STX18: variants seen among roughly 807,000 people sequenced by gnomAD.
STX18 encodes the protein syntaxin 18.
In STX18, 40 loss-of-function variants were observed where a neutral mutation model predicts 50.1. That is an observed-to-expected ratio of 0.80 (90% CI 0.62 to 1.04). The LOEUF is 1.04. Among genes scored for constraint, STX18 ranks in the 50% least tolerant of loss-of-function variants. The pLI, the probability that STX18 is intolerant of heterozygous loss-of-function variation, is 0.00. For missense variants in STX18, 410 were observed against 415.8 expected (o/e 0.99, Z 0.12); for synonymous variants, 158 against 151.8 (o/e 1.04, Z -0.30).
chr4:4,457,371 A>G (rs1000877913), intron 4 of STX18, 52 bp downstream of exon 4: 39 of 1,571,554 alleles, frequency 2.5e-5, no homozygotes, highest in Non-Finnish European at 3.2e-5. Flanking sequence ...TAAATTCTGC[A>G]TCACATCTAT....
At chr4:4,432,948 G>T (rs1412897412) in intron 7 of STX18, among the ~76,000 whole-genome samples, 1 of 152,174 alleles carries the variant, frequency 6.6e-6, no homozygotes, top group Non-Finnish European at 1.5e-5. Context: ...CACTTCGGTG[G>T]GCCGGCGCGG....
intron 5 of STX18, among the ~76,000 whole-genome samples, chr4:4,439,679 C>T (rs1333549215): frequency 6.6e-6 from 1 of 151,386 alleles, no homozygotes; most frequent in Non-Finnish European, 1.5e-5. Context: ...TAAGTCACAT[C>T]TTAATATAAG....
At chr4:4,535,042 C>T (rs1731267585) in intron 1 of STX18, among the ~76,000 whole-genome samples, 1 of 152,220 alleles carries the variant, frequency 6.6e-6, no homozygotes, top group Non-Finnish European at 1.5e-5. Context: ...CCCCAAACTG[C>T]CCTACTGTTG....
chr4:4,491,056 G>A lies in STX18; in HGVS notation c.169-19350C>T, dbSNP rs75621715. On this transcript the variant is annotated intron_variant, in intron 1 of 10. Transcript: ENST00000306200. ...GTAATAATCAGTGTTTACTTTTGTT[G>A]TTCAAACATTCGGCTTATAGCACTT... Among the ~76,000 whole-genome samples the A allele has an allele frequency of 2.6e-3, 400 of 151,286 alleles. 7 individuals are homozygous for A. In the East Asian group the frequency reaches 0.07, roughly 26 times the overall value.
intron 5 of STX18, among the ~76,000 whole-genome samples, chr4:4,445,659 T>A (rs1289338854): frequency 6.6e-6 from 1 of 151,410 alleles, no homozygotes; most frequent in African/African-American, 2.4e-5. Context: ...AATAACAAAA[T>A]ATTGCTGAGA....
At chr4:4,533,401 T>C (rs1483909781) in intron 1 of STX18, among the ~76,000 whole-genome samples, 2 of 152,198 alleles carry the variant, frequency 1.3e-5, no homozygotes, top group Admixed American at 1.3e-4. Context: ...TTATTCATAA[T>C]ACAATCAATA....
At chr4:4,509,172 C>T (rs1479836706) in intron 1 of STX18, among the ~76,000 whole-genome samples, 1 of 152,196 alleles carries the variant, frequency 6.6e-6, no homozygotes, top group Non-Finnish European at 1.5e-5. Context: ...ATTTACACTC[C>T]CACCAACACT....
rs533306898 is a variant in STX18, at chr4:4,499,001, AC to A, written c.169-27296del. Among the ~76,000 whole-genome samples the A allele has an allele frequency of 2.0e-4, 31 of 152,344 alleles. No homozygotes were observed. The East Asian group carries it at 6.0e-3, about 29-fold the overall frequency. ...TATGGCATATGAAACAAAATATACA[AC>A]TAAGCCAAACCAGCAAATGAAGAAG... On this transcript the variant is annotated intron_variant, in intron 1 of 10. Transcript: ENST00000306200.
intron 1 of STX18, among the ~76,000 whole-genome samples, chr4:4,497,798 C>T (rs1464528259): frequency 2.0e-5 from 3 of 152,100 alleles, no homozygotes; most frequent in Admixed American, 6.5e-5. Context: ...ATGTGTTCGC[C>T]GATCCTCAGG....
chr4:4,437,631 G>C (rs1260245726), intron 6 of STX18: 15 of 985,212 alleles, frequency 1.5e-5, no homozygotes, highest in Admixed American at 6.1e-5. Flanking sequence ...GAAGACAAGA[G>C]TTAATAAGAA....
chr4:4,439,879 GAAGGA>G (rs927573561), intron 5 of STX18, among the ~76,000 whole-genome samples: 2 of 152,102 alleles, frequency 1.3e-5, no homozygotes, highest in Non-Finnish European at 2.9e-5. Flanking sequence ...ACTCTTCTGT[GAAGGA>G]AAGGCCGCCT....
At chr4:4,454,562 G>C (rs1046200115) in intron 5 of STX18, among the ~76,000 whole-genome samples, 6 of 152,168 alleles carry the variant, frequency 3.9e-5, no homozygotes, top group African/African-American at 1.4e-4. Context: ...CATCATCAGA[G>C]GCCTACCTCC....
In STX18 at chr4:4,457,084, A is replaced by G. The variant is rs1577339647; in HGVS notation, c.497+107T>C. On this transcript the variant is annotated intron_variant, in intron 5 of 10. Transcript: ENST00000306200. ...GCGCCAGCTATGGCATTTTGCGAAG[A>G]AGTTCAAACACGGTACATTGCATAG... 5.6e-6 allele frequency: 6 copies of G among 1,068,014 alleles called. No homozygotes were observed. In the East Asian group the frequency reaches 1.5e-4, roughly 27 times the overall value. 66.2% of individuals were successfully genotyped at this position (1,068,014 alleles called of 1,614,324 possible).
intron 1 of STX18, among the ~76,000 whole-genome samples, chr4:4,495,451 T>C (rs1415615201): frequency 2.0e-5 from 3 of 152,098 alleles, no homozygotes; most frequent in Non-Finnish European, 4.4e-5. Flanking sequence ...TGCTGTGACA[T>C]GATCATACCT....
At chr4:4,521,091 A>G (rs1410237712) in intron 1 of STX18, among the ~76,000 whole-genome samples, 1 of 152,062 alleles carries the variant, frequency 6.6e-6, no homozygotes, top group Non-Finnish European at 1.5e-5. Flanking sequence ...AACCCACTCT[A>G]CAGCTCTCAC....
chr4:4,421,321 A>G (rs1724947951), intron 9 of STX18, among the ~76,000 whole-genome samples: 1 of 147,964 alleles, frequency 6.8e-6, no homozygotes, highest in South Asian at 2.1e-4. Context: ...GGCAGGACTG[A>G]GACTTTTTTT....
chr4:4,511,591 G>A (rs1401758081), intron 1 of STX18, among the ~76,000 whole-genome samples: 2 of 151,734 alleles, frequency 1.3e-5, no homozygotes, highest in Admixed American at 6.6e-5. Flanking sequence ...TATGTGGTAG[G>A]GGAATCAATA....
At chr4:4,493,906 A>T (rs1376065703) in intron 1 of STX18, among the ~76,000 whole-genome samples, 1 of 152,202 alleles carries the variant, frequency 6.6e-6, no homozygotes, top group East Asian at 1.9e-4. Context: ...ACAGAACTGG[A>T]AAGAGGTTCG....
intron 1 of STX18, among the ~76,000 whole-genome samples, chr4:4,480,032 T>C (rs941014632): frequency 1.3e-5 from 2 of 152,198 alleles, no homozygotes; most frequent in Admixed American, 6.5e-5. Context: ...GCCCAAAGCA[T>C]GTATGGTGTG....
Sources: gnomAD v4.1 joint callset for allele counts (sites outside exome capture counted in the v4.1 genomes callset) on GRCh38, gnomAD v4.1.1 for gene constraint, MANE v1.5 for transcripts, NCBI Gene and HGNC (gene_info 2026-07-23, HGNC 2026-07-21) for gene names.